The following INPP5A variants were observed in gnomAD, a reference collection of about 807,000 sequenced individuals.
The protein encoded by INPP5A is inositol polyphosphate-5-phosphatase A.
INPP5A carries 14 observed loss-of-function variants against 65.2 expected under a neutral mutation model. The observed-to-expected ratio is 0.21, with a 90% CI of 0.14 to 0.34. INPP5A has a LOEUF of 0.34. Ranked by LOEUF, INPP5A falls within the 10% of genes least tolerant of loss-of-function variation. INPP5A has a pLI of 1.00. For synonymous variants in INPP5A, 207 were observed against 208.3 expected, an observed-to-expected ratio of 0.99 and a Z score of 0.05; for missense variants, 431 against 545.6, an observed-to-expected ratio of 0.79 and a Z score of 2.09.
At chr10:132,693,750 C>G (rs1415857947) in intron 5 of INPP5A, among the ~76,000 whole-genome samples, 1 of 152,116 alleles carries the variant, frequency 6.6e-6, no homozygotes, top group Non-Finnish European at 1.5e-5. Context: ...ATAGGCAGAG[C>G]AGACTTCAGA....
chr10:132,558,350 A>C (rs2071156014), intron 1 of INPP5A, among the ~76,000 whole-genome samples: 1 of 152,158 alleles, frequency 6.6e-6, no homozygotes, highest in South Asian at 2.1e-4. Flanking sequence ...CTCCGGGGCT[A>C]ATCATGGTTA....
intron 1 of INPP5A, among the ~76,000 whole-genome samples, chr10:132,576,921 C>T (rs753449370): frequency 9.8e-5 from 15 of 152,342 alleles, no homozygotes; most frequent in Admixed American, 2.0e-4. Flanking sequence ...TGCCCTGTTC[C>T]CAGAATGCTG....
intron 1 of INPP5A, among the ~76,000 whole-genome samples, chr10:132,558,206 C>T (rs768454530): frequency 3.9e-5 from 6 of 152,310 alleles, no homozygotes; most frequent in South Asian, 4.1e-4. Flanking sequence ...CCGCCAGCTG[C>T]GCATGTGATG....
chr10:132,628,663 G>A (rs1232499448), intron 2 of INPP5A, among the ~76,000 whole-genome samples: 6 of 152,234 alleles, frequency 3.9e-5, no homozygotes, highest in African/African-American at 1.4e-4. Context: ...AAGGCAGACT[G>A]GGAATATATT....
intron 1 of INPP5A, among the ~76,000 whole-genome samples, chr10:132,597,792 G>A (rs949523733): frequency 5.7e-5 from 8 of 140,612 alleles, no homozygotes; most frequent in African/African-American, 1.6e-4. Flanking sequence ...TGCGTGTTCC[G>A]GGGCTGTGCT....
At chr10:132,582,967 A>C (rs118038306) in intron 1 of INPP5A, among the ~76,000 whole-genome samples, 3,003 of 152,296 alleles carry the variant, frequency 0.02, 41 homozygotes, top group South Asian at 0.035. Context: ...ATTTCTGCAG[A>C]GTGCCTGCTG....
At chr10:132,652,708 TA>T (rs2072593466) in intron 4 of INPP5A, among the ~76,000 whole-genome samples, 1 of 152,158 alleles carries the variant, frequency 6.6e-6, no homozygotes, top group African/African-American at 2.4e-5. Context: ...ACAGGTATTT[TA>T]AAAGTGAAGG....
intron 1 of INPP5A, among the ~76,000 whole-genome samples, chr10:132,581,712 T>G (rs1171416592): frequency 6.6e-6 from 1 of 152,222 alleles, no homozygotes; most frequent in Non-Finnish European, 1.5e-5. Flanking sequence ...TCATATCTTT[T>G]GCCCATTTTT....
Position 132,707,105 on chromosome 10 carries a change from C to T in INPP5A, c.475-1208C>T, listed in dbSNP as rs548986180. On this transcript the variant is annotated intron_variant, in intron 6 of 15. Transcript: ENST00000368594. This position sits in a 1 kb window ranked among gnomAD's most constrained non-coding sequence, Gnocchi z 5.5. Reference sequence around the variant, plus strand: ...CACGCCACGCTGGACCCTTTCTTCACGGGTGTTTCGTCCACAGTTAACTCC... The same window carrying T: ...CACGCCACGCTGGACCCTTTCTTCATGGGTGTTTCGTCCACAGTTAACTCC... Among the ~76,000 whole-genome samples, 19 of 152,324 alleles carry T rather than the reference C, an allele frequency of 1.2e-4. No individual in the cohort carries two copies. In the East Asian group the frequency reaches 2.3e-3, roughly 19 times the overall value.
At chr10:132,617,617 T>A (rs548248079) in intron 2 of INPP5A, among the ~76,000 whole-genome samples, 18 of 152,322 alleles carry the variant, frequency 1.2e-4, no homozygotes, top group African/African-American at 4.3e-4. Flanking sequence ...CTTCTTCCTG[T>A]TGACAAAGAC....
At chr10:132,677,733 T>C (rs2072985969) in intron 4 of INPP5A, among the ~76,000 whole-genome samples, 1 of 152,194 alleles carries the variant, frequency 6.6e-6, no homozygotes, top group African/African-American at 2.4e-5. Context: ...ATGTGGCGTG[T>C]TTACCCTCGT....
At chr10:132,580,278 C>T (rs111310761) in intron 1 of INPP5A, among the ~76,000 whole-genome samples, 1 of 152,262 alleles carries the variant, frequency 6.6e-6, no homozygotes, top group African/African-American at 2.4e-5. Context: ...TGATTGGATC[C>T]TGGGGGCCGA....
chr10:132,729,618 G>C (rs191872804), intron 9 of INPP5A, among the ~76,000 whole-genome samples: 14 of 152,272 alleles, frequency 9.2e-5, no homozygotes, highest in African/African-American at 2.9e-4. Context: ...CCCGTCCTCC[G>C]TGTTCGTGTT....
chr10:132,697,902 C>G lies in INPP5A; in HGVS notation c.457C>G (p.Gln153Glu). Residue 153 changes from glutamine (Q) to glutamate (E), a missense_variant, in exon 6 of 16, where the codon CAG (glutamine) becomes GAG (glutamate). Gln to Glu is a conservative substitution (Grantham distance 29). Coordinates refer to ENST00000368594, the MANE Select transcript of INPP5A (RefSeq NM_005539.5). This position sits in a 1 kb window ranked among gnomAD's most constrained non-coding sequence, Gnocchi z 5.6. Reference sequence around the variant, plus strand: ...CATGCTGGAGAAGGAGAAGTTTCCGCAGGACTACTTCCCCGAGGTACGTAG... The same window carrying G: ...CATGCTGGAGAAGGAGAAGTTTCCGGAGGACTACTTCCCCGAGGTACGTAG... ...TPMLEKEKFPQDYFPECKWSR... is the reference protein window; with the variant it reads ...TPMLEKEKFPEDYFPECKWSR... 1.2e-6 allele frequency: 2 copies of G among 1,610,928 alleles called. No homozygotes were observed. The highest frequency in any genetic ancestry group is 1.7e-6 in the Non-Finnish European group (2 of 1,177,200).
chr10:132,721,727 ACTGCTGTCTT>A (rs1845886859), intron 8 of INPP5A, among the ~76,000 whole-genome samples: 1 of 142,680 alleles, frequency 7.0e-6, no homozygotes, highest in Non-Finnish European at 1.5e-5. Context: ...GGCGCCTTAG[ACTGCTGTCTT>A]CAGGGTTCTG....
intron 3 of INPP5A, among the ~76,000 whole-genome samples, chr10:132,648,941 G>A (rs1381682397): frequency 1.3e-5 from 2 of 152,164 alleles, no homozygotes; most frequent in Non-Finnish European, 2.9e-5. Flanking sequence ...ATTTGTCCTT[G>A]TCCATTATTT....
chr10:132,582,463 C>G (rs1590845922), intron 1 of INPP5A, among the ~76,000 whole-genome samples: 1 of 150,324 alleles, frequency 6.7e-6, no homozygotes, highest in African/African-American at 2.5e-5. Flanking sequence ...CTCTGTCACC[C>G]AGGCTGAAGT....
At position 132,546,989 on chromosome 10, in the gene INPP5A, T is replaced by C. The variant is rs2133247971; in HGVS notation, c.75+8818T>C. Among the ~76,000 whole-genome samples the C allele has an allele frequency of 6.6e-6, 1 of 152,062 alleles. No individual in the cohort carries two copies. Among genetic ancestry groups the C allele is most frequent in the East Asian group, 1.9e-4 (1 of 5,162 alleles). Reference sequence around the variant, plus strand: ...CAGCCTTCCTTTCTGCGTCCTCCCCTCTCGGGGTCCCGCATGACTGGTCCT... The same window carrying C: ...CAGCCTTCCTTTCTGCGTCCTCCCCCCTCGGGGTCCCGCATGACTGGTCCT... On this transcript the variant is annotated intron_variant, in intron 1 of 15. Coordinates refer to ENST00000368594, the MANE Select transcript of INPP5A (RefSeq NM_005539.5). The surrounding 1 kb of genome is among the most constrained non-coding windows in gnomAD (Gnocchi z 5.7).
intron 4 of INPP5A, among the ~76,000 whole-genome samples, chr10:132,662,166 G>A (rs924007794): frequency 1.3e-5 from 2 of 152,326 alleles, no homozygotes; most frequent in East Asian, 1.9e-4. Flanking sequence ...CGTGGCAAGC[G>A]CTGGGGAGGC....
Sources: allele counts gnomAD v4.1 joint callset (sites outside exome capture counted in the v4.1 genomes callset), GRCh38; gene constraint gnomAD v4.1.1; non-coding constraint Gnocchi (gnomAD v3.1); transcripts MANE v1.5; gene names NCBI Gene and HGNC (gene_info 2026-07-23, HGNC 2026-07-21).